Variants in FBXL13 observed in about 807,000 individuals in gnomAD.
The protein encoded by FBXL13 is F-box and leucine rich repeat protein 13, also known as F-box and leucine-rich repeat protein 13.
In FBXL13, 67 loss-of-function variants were observed where a neutral mutation model predicts 83.6. The observed-to-expected ratio is 0.80, with a 90% CI of 0.66 to 0.98. FBXL13 has a LOEUF of 0.98. Among genes scored for constraint, FBXL13 ranks in the 50% least tolerant of loss-of-function variants. FBXL13 has a pLI of 0.00. For missense variants in FBXL13, 822 were observed against 866.5 expected (o/e 0.95, Z 0.64); for synonymous variants, 272 against 299.5 (o/e 0.91, Z 0.95).
At chr7:103,060,360 C>T (rs998278083) in intron 1 of FBXL13, among the ~76,000 whole-genome samples, 1 of 151,982 alleles carries the variant, frequency 6.6e-6, no homozygotes, top group African/African-American at 2.4e-5. Flanking sequence ...TGGTCCATCA[C>T]TATTTTTAAC....
chr7:102,898,681 C>T (rs1812583629), intron 11 of FBXL13, among the ~76,000 whole-genome samples: 1 of 152,110 alleles, frequency 6.6e-6, no homozygotes, highest in Admixed American at 6.6e-5. Flanking sequence ...TCAGTGCCAG[C>T]AAAGTGGGAA....
At chr7:103,028,515 G>A in intron 4 of FBXL13, 85 bp downstream of exon 5, 2 of 930,274 alleles carry the variant, frequency 2.1e-6, no homozygotes, top group Non-Finnish European at 3.0e-6. Context: ...GGTTCTCTAA[G>A]TACCCAAAGT....
chr7:102,877,036 T>C (rs1809367225), intron 16 of FBXL13, among the ~76,000 whole-genome samples: 1 of 152,192 alleles, frequency 6.6e-6, no homozygotes, highest in African/African-American at 2.4e-5. Context: ...GAATTCCATA[T>C]CCTTTTGTAG....
intron 16 of FBXL13, among the ~76,000 whole-genome samples, chr7:102,856,824 AAC>A (rs1371520710): frequency 6.6e-5 from 10 of 152,238 alleles, no homozygotes; most frequent in Non-Finnish European, 1.5e-4. Flanking sequence ...CACTTTGGAA[AAC>A]AGTCTGCATT....
chr7:102,871,742 T>C (rs189283097), intron 16 of FBXL13, among the ~76,000 whole-genome samples: 99 of 152,060 alleles, frequency 6.5e-4, no homozygotes, highest in African/African-American at 2.2e-3. Context: ...TCAATTCTTA[T>C]CCTCCCATCC....
chr7:102,956,470 G>A (rs980830828), intron 8 of FBXL13, among the ~76,000 whole-genome samples: 1 of 152,168 alleles, frequency 6.6e-6, no homozygotes, highest in East Asian at 1.9e-4. Flanking sequence ...TTGAAAACCA[G>A]CACGAGGCAA....
chr7:102,948,065 CT>C (rs545946981), intron 8 of FBXL13, among the ~76,000 whole-genome samples: 5,157 of 140,700 alleles, frequency 0.037, 188 homozygotes, highest in African/African-American at 0.12. Flanking sequence ...TAATGAGGAT[CT>C]TTTTTTTTTT....
chr7:102,920,673 T>C lies in FBXL13; in HGVS notation c.878+5601A>G, dbSNP rs894804869. On this transcript the variant is annotated intron_variant, in intron 10 of 19. Coordinates refer to ENST00000313221, the Ensembl canonical transcript of FBXL13. ...ATACACTCAATTTTGACAATAAATA[T>C]TGATCTTTTAAACTGCTCTCTTAAA... Among the ~76,000 whole-genome samples, 13 of 152,260 alleles carry C rather than the reference T, an allele frequency of 8.5e-5. No individual in the cohort carries two copies. In the East Asian group the frequency reaches 2.5e-3, roughly 29 times the overall value.
intron 8 of FBXL13, among the ~76,000 whole-genome samples, chr7:102,962,080 T>C (rs1228659076): frequency 6.6e-6 from 1 of 150,760 alleles, no homozygotes; most frequent in Non-Finnish European, 1.5e-5. Context: ...TTTTCACAAC[T>C]ACTCATCTGA....
At chr7:103,028,014 G>C (rs976732943) in intron 4 of FBXL13, among the ~76,000 whole-genome samples, 3 of 152,024 alleles carry the variant, frequency 2.0e-5, no homozygotes, top group Admixed American at 2.0e-4. Context: ...ACCAACCAAA[G>C]CCAGCCAAAA....
chr7:103,035,359 T>G (rs994308931), intron 2 of FBXL13, among the ~76,000 whole-genome samples: 2 of 152,218 alleles, frequency 1.3e-5, no homozygotes, highest in African/African-American at 4.8e-5. Context: ...ACTGACCTCT[T>G]GTGTTATGAA....
At chr7:103,025,959 AG>A in intron 5 of FBXL13, among the ~76,000 whole-genome samples, 1 of 151,466 alleles carries the variant, frequency 6.6e-6, no homozygotes, top group South Asian at 2.1e-4. Flanking sequence ...CTAGAAAAAA[AG>A]TTCTCTAAAC....
chr7:102,813,818 ATACTGCTTTAAG>A (rs1285753208), intron 19 of FBXL13, among the ~76,000 whole-genome samples: 1 of 152,182 alleles, frequency 6.6e-6, no homozygotes, highest in Non-Finnish European at 1.5e-5. Flanking sequence ...CTATTTATTT[ATACTGCTTTAAG>A]TAAGCCCCTT....
chr7:102,834,090 G>GGAAGGAAGGAAGGAAGGAAAGA (rs60060071), intron 17 of FBXL13, among the ~76,000 whole-genome samples: 12 of 70,474 alleles, frequency 1.7e-4, no homozygotes, highest in South Asian at 5.0e-4. Context: ...GGAAAGAAAA[G>GGAAGGAAGGAAGGAAGGAAAGA]AAAGAAAGAA....
intron 11 of FBXL13, among the ~76,000 whole-genome samples, chr7:102,907,231 C>G (rs1299600540): frequency 6.6e-6 from 1 of 152,186 alleles, no homozygotes; most frequent in East Asian, 1.9e-4. Flanking sequence ...ATCTCTTTGT[C>G]TACCTCCTCC....
chr7:103,050,987 T>C (rs1249973513), intron 2 of FBXL13, among the ~76,000 whole-genome samples: 4 of 152,244 alleles, frequency 2.6e-5, no homozygotes, highest in African/African-American at 4.8e-5. Flanking sequence ...GTTGCTCATT[T>C]GGAACATTCC....
intron 2 of FBXL13, among the ~76,000 whole-genome samples, chr7:103,032,533 T>C (rs973049194): frequency 2.6e-5 from 4 of 152,218 alleles, no homozygotes; most frequent in Non-Finnish European, 5.9e-5. Context: ...ACACGGTTTG[T>C]TCAAACTAGA....
chr7:102,949,921 C>A (rs1823148748), intron 8 of FBXL13, among the ~76,000 whole-genome samples: 1 of 152,172 alleles, frequency 6.6e-6, no homozygotes, highest in South Asian at 2.1e-4. Flanking sequence ...GCCTGGCCAA[C>A]ATGGCGAAAT....
chr7:103,071,281 T>C (rs1183561100), intron 1 of FBXL13, among the ~76,000 whole-genome samples: 2 of 151,992 alleles, frequency 1.3e-5, no homozygotes, highest in African/African-American at 4.8e-5. Context: ...TGAATAGAAG[T>C]ACTATTTGAA....
Sources: gnomAD v4.1 joint callset for allele counts (sites outside exome capture counted in the v4.1 genomes callset) on GRCh38, gnomAD v4.1.1 for gene constraint, MANE v1.5 for transcripts, NCBI Gene and HGNC (gene_info 2026-07-23, HGNC 2026-07-21) for gene names.